Variants in ZNF496 observed in about 807,000 individuals in gnomAD.
ZNF496 encodes the protein zinc finger protein 496.
A neutral mutation model predicts 58.9 loss-of-function variants in ZNF496; 11 were observed. That is an observed-to-expected ratio of 0.19 (90% confidence interval 0.12 to 0.31). The LOEUF (loss-of-function observed/expected upper bound fraction) is 0.31. Ranked by LOEUF, ZNF496 falls within the 10% of genes least tolerant of loss-of-function variation. ZNF496 has a pLI of 1.00. For synonymous variants in ZNF496, 338 were observed against 318.2 expected (o/e 1.06, Z -0.66); for missense variants, 660 against 783.0 (o/e 0.84, Z 1.88).
Position 247,309,316 on chromosome 1 carries a change from T to A in ZNF496, c.892+383A>T. The A allele has an allele frequency of 1.0e-6, 1 of 959,894 alleles. No individual in the cohort carries two copies. Among genetic ancestry groups the A allele is most frequent in the Non-Finnish European group, 1.3e-6 (1 of 785,594 alleles). The allele number at this position is 959,894 out of a possible 1,614,324, so 59.5% of individuals were successfully genotyped here. A position where few individuals can be genotyped will look rare whatever the true frequency, so the allele number is the denominator to read the frequency against. ...GGGAAGACTAGACAGGTGAGGCACC[T>A]CAAAGGGCTGCGCTCGGTGCCCAGT... On this transcript the variant is annotated intron_variant, in intron 8 of 9. Transcript: ENST00000682384. The surrounding 1 kb of genome is among the most constrained non-coding windows in gnomAD (Gnocchi z 4.3).
At chr1:247,315,573 G>C (rs1251788129) in intron 6 of ZNF496, among the ~76,000 whole-genome samples, 1 of 152,080 alleles carries the variant, frequency 6.6e-6, no homozygotes, top group Non-Finnish European at 1.5e-5. Context: ...CCTTTGGCAT[G>C]AATAAGGGGG....
intron 6 of ZNF496, chr1:247,311,938 G>A (rs1659617151): frequency 1.3e-5 from 2 of 152,308 alleles, no homozygotes; most frequent in East Asian, 1.9e-4. Context: ...CGGGTCTTGC[G>A]CTCTGGGCCT....
chr1:247,330,676 C>T (rs1416322942), intron 2 of ZNF496, among the ~76,000 whole-genome samples: 1 of 152,254 alleles, frequency 6.6e-6, no homozygotes, highest in Non-Finnish European at 1.5e-5. Flanking sequence ...GGGACACTCA[C>T]AGTCCCCTTC....
At chr1:247,320,164 T>C (rs1384771060) in intron 6 of ZNF496, among the ~76,000 whole-genome samples, 8 of 152,206 alleles carry the variant, frequency 5.3e-5, no homozygotes, top group Admixed American at 4.6e-4. Context: ...CTGATGTGTA[T>C]ATAAAAACCT....
intron 6 of ZNF496, among the ~76,000 whole-genome samples, chr1:247,316,761 G>C (rs1659794771): frequency 6.6e-6 from 1 of 152,198 alleles, no homozygotes; most frequent in South Asian, 2.1e-4. Flanking sequence ...TGGACAGACA[G>C]TGCTCCAGTC....
In ZNF496 at chr1:247,298,330, T is replaced by C. The variant is rs41305574; in HGVS notation, c.*2189A>G. ...TTAACGAGTTTGGGGCAGAGGCTTT[T>C]TAATTATTTTTGAGACAGAGTCTCA... On this transcript the variant is annotated 3_prime_UTR_variant, in exon 10 of 10. Coordinates refer to ENST00000682384, the MANE Select transcript of ZNF496 (RefSeq NM_032752.3). 17 of 152,294 alleles carry C rather than the reference T, an allele frequency of 1.1e-4. No homozygotes were observed. The highest frequency in any genetic ancestry group is 1.3e-4 in the Non-Finnish European group (9 of 68,020). The allele number at this position is 152,294 out of a possible 1,614,324, so 9.4% of individuals were successfully genotyped here.
chr1:247,303,285 T>C (rs1245630063), intron 9 of ZNF496, among the ~76,000 whole-genome samples: 1 of 152,218 alleles, frequency 6.6e-6, no homozygotes, highest in Non-Finnish European at 1.5e-5. Context: ...TGCTGAAGCC[T>C]TGATTCTGGA....
intron 9 of ZNF496, chr1:247,307,614 G>C (rs1027278001): frequency 1.2e-5 from 12 of 985,268 alleles, no homozygotes; most frequent in African/African-American, 1.7e-5. Context: ...CATCCTTTCA[G>C]ATCTCCCACA....
Position 247,329,839 on chromosome 1 carries a change from G to T in ZNF496, c.-38+127C>A. 2.4e-6 allele frequency: 1 copy of T among 408,432 alleles called. No individual in the cohort carries two copies. Among genetic ancestry groups the T allele is most frequent in the Non-Finnish European group, 4.3e-6 (1 of 233,000 alleles). 25.3% of individuals were successfully genotyped at this position (408,432 alleles called of 1,614,324 possible). On this transcript the variant is annotated intron_variant, in intron 3 of 9. Transcript: ENST00000682384. The surrounding 1 kb of genome is among the most constrained non-coding windows in gnomAD (Gnocchi z 5.5). ...CATTACGTGTGGATTCCCGTTAAGT[G>T]GGTGACTGGATGAACAAGACAGGAA...
At chr1:247,302,474 T>TGTGTG (rs60422938) in intron 9 of ZNF496, among the ~76,000 whole-genome samples, 1 of 150,638 alleles carries the variant, frequency 6.6e-6, no homozygotes, top group Admixed American at 6.6e-5. Context: ...GAGATTGTGT[T>TGTGTG]TGTGTGTGTG....
rs1660341930 is a variant in ZNF496 at position 247,331,850 on chromosome 1, A to T, written c.-430T>A. The T allele has an allele frequency of 6.7e-6, 1 of 148,526 alleles. No individual in the cohort carries two copies. Among genetic ancestry groups the T allele is most frequent in the African/African-American group, 2.5e-5 (1 of 40,610 alleles). 9.2% of individuals were successfully genotyped at this position (148,526 alleles called of 1,614,324 possible). On this transcript the variant is annotated 5_prime_UTR_variant, in exon 1 of 10. Coordinates refer to ENST00000682384, the MANE Select transcript of ZNF496 (RefSeq NM_032752.3). ...CCTGGCCGCCGCGGGAGCCCGCCGG[A>T]CGCCGAGGAAAGGAAAGGCCGGAGC...
intron 5 of ZNF496, among the ~76,000 whole-genome samples, chr1:247,324,502 G>T (rs1660060716): frequency 6.6e-6 from 1 of 151,430 alleles, no homozygotes; most frequent in African/African-American, 2.4e-5. Flanking sequence ...AGGTATATGA[G>T]GTAATGCATT....
chr1:247,308,363 G>T lies in ZNF496; in HGVS notation c.1006+112C>A. 1 of 941,464 alleles carries T rather than the reference G, an allele frequency of 1.1e-6. No homozygotes were observed. Among genetic ancestry groups the T allele is most frequent in the Non-Finnish European group, 1.7e-6 (1 of 586,894 alleles). The allele number at this position is 941,464 out of a possible 1,614,324, so 58.3% of individuals were successfully genotyped here. A position where few individuals can be genotyped will look rare whatever the true frequency, so the allele number is the denominator to read the frequency against. Reference sequence around the variant, plus strand: ...CCACATATACCACATGTGTATGCACGCACACATGCATTCAACACAACCATC... The same window carrying T: ...CCACATATACCACATGTGTATGCACTCACACATGCATTCAACACAACCATC... On this transcript the variant is annotated intron_variant, in intron 9 of 9. Coordinates refer to ENST00000682384, the MANE Select transcript of ZNF496 (RefSeq NM_032752.3). The surrounding 1 kb of genome is among the most constrained non-coding windows in gnomAD (Gnocchi z 4.5).
intron 7 of ZNF496, 83 bp downstream of exon 7, chr1:247,310,241 G>A: frequency 6.3e-7 from 1 of 1,584,910 alleles, no homozygotes; most frequent in Non-Finnish European, 8.6e-7. Context: ...TGATCCTATG[G>A]GACGAAGTTG....
intron 9 of ZNF496, among the ~76,000 whole-genome samples, chr1:247,302,472 GTT>G (rs1491228222): frequency 6.6e-6 from 1 of 151,834 alleles, no homozygotes; most frequent in Non-Finnish European, 1.5e-5. Context: ...CAGAGATTGT[GTT>G]TGTGTGTGTG....
chr1:247,318,611 TG>T (rs1659860656), intron 6 of ZNF496, among the ~76,000 whole-genome samples: 1 of 151,878 alleles, frequency 6.6e-6, no homozygotes, highest in African/African-American at 2.4e-5. Context: ...GAAAGAAAAC[TG>T]TCAAGTGTGA....
At chr1:247,304,989 G>C (rs577724513) in intron 9 of ZNF496, among the ~76,000 whole-genome samples, 1 of 152,182 alleles carries the variant, frequency 6.6e-6, no homozygotes, top group Non-Finnish European at 1.5e-5. Flanking sequence ...GGAAAGACAT[G>C]AATTTTGAAG....
intron 6 of ZNF496, chr1:247,311,936 G>A (rs538310974): frequency 6.6e-6 from 1 of 152,438 alleles, no homozygotes; most frequent in East Asian, 1.9e-4. Context: ...TGCGGGTCTT[G>A]CGCTCTGGGC....
At chr1:247,320,968 T>A (rs546011825) in intron 6 of ZNF496, among the ~76,000 whole-genome samples, 1 of 151,790 alleles carries the variant, frequency 6.6e-6, no homozygotes, top group Non-Finnish European at 1.5e-5. Flanking sequence ...AGGTCAAGAG[T>A]TCGAGTTCAA....
Sources: allele counts gnomAD v4.1 joint callset (sites outside exome capture counted in the v4.1 genomes callset), GRCh38; gene constraint gnomAD v4.1.1; non-coding constraint Gnocchi (gnomAD v3.1); transcripts MANE v1.5; gene names NCBI Gene and HGNC (gene_info 2026-07-23, HGNC 2026-07-21).